The following MCTP2 variants were observed in gnomAD, a reference collection of about 807,000 sequenced individuals.
The protein encoded by MCTP2 is multiple C2 and transmembrane domain-containing protein 2.
Under a neutral mutation model 111.6 loss-of-function variants are expected in MCTP2, and 132 were observed. The observed-to-expected ratio is 1.18, with a 90% CI of 1.03 to 1.37. The LOEUF is 1.37. MCTP2 is among the 40% of genes most tolerant of loss of function. The pLI is 0.00. For missense variants in MCTP2, 1,183 were observed against 1,067.9 expected (o/e 1.11, Z -1.50); for synonymous variants, 395 against 387.7 (o/e 1.02, Z -0.22).
intron 1 of MCTP2, among the ~76,000 whole-genome samples, chr15:94,243,052 TCTACAC>T (rs2071149010): frequency 2.2e-5 from 2 of 89,468 alleles, no homozygotes; most frequent in Non-Finnish European, 2.5e-5. Flanking sequence ...TATATGTGTA[TCTACAC>T]ATACACGTGT....
intron 19 of MCTP2, among the ~76,000 whole-genome samples, chr15:94,445,061 G>A (rs145519593): frequency 3.3e-5 from 5 of 152,342 alleles, no homozygotes; most frequent in African/African-American, 1.2e-4. Context: ...GCTACCTGAA[G>A]GTCTGGAGAG....
intron 4 of MCTP2, among the ~76,000 whole-genome samples, chr15:94,328,328 C>T (rs1382738288): frequency 6.6e-6 from 1 of 152,008 alleles, no homozygotes; most frequent in African/African-American, 2.4e-5. Context: ...CGGGGTTTCA[C>T]TGTGTTAGCC....
chr15:94,414,752 A>G (rs2082300914), intron 17 of MCTP2, among the ~76,000 whole-genome samples: 1 of 152,174 alleles, frequency 6.6e-6, no homozygotes, highest in Non-Finnish European at 1.5e-5. Flanking sequence ...AGTTCATTTT[A>G]CAAACAAAAA....
chr15:94,364,182 T>C (rs1449875330), intron 10 of MCTP2, among the ~76,000 whole-genome samples: 1 of 148,404 alleles, frequency 6.7e-6, no homozygotes, highest in Admixed American at 6.7e-5. Flanking sequence ...TTTTTGTAAA[T>C]AAAGGTTTTT....
At chr15:94,325,400 C>T (rs965381947) in intron 4 of MCTP2, among the ~76,000 whole-genome samples, 5 of 152,162 alleles carry the variant, frequency 3.3e-5, no homozygotes, top group East Asian at 1.9e-4. Flanking sequence ...TTTTGCATTT[C>T]GCCTGTGGGA....
At chr15:94,325,888 C>T (rs996924857) in intron 4 of MCTP2, among the ~76,000 whole-genome samples, 2 of 144,438 alleles carry the variant, frequency 1.4e-5, no homozygotes, top group Non-Finnish European at 3.0e-5. Flanking sequence ...GGCGCGATCT[C>T]GGCTCACTGC....
At chr15:94,370,854 C>G (rs1185266583) in intron 12 of MCTP2, among the ~76,000 whole-genome samples, 1 of 152,176 alleles carries the variant, frequency 6.6e-6, no homozygotes, top group Non-Finnish European at 1.5e-5. Context: ...ATGACAGATG[C>G]TATTTACCAA....
chr15:94,400,000 G>T lies in MCTP2; in HGVS notation c.1965+5G>T, dbSNP rs1239461376. On this transcript the variant is annotated splice_donor_5th_base_variant and intron_variant, in intron 16 of 22. Transcript: ENST00000357742. ...AGCCGCAAGCTGTCCAAAAAGGTGGGTCGCTACAGTAGGTGGCTTGTTGAT... is the reference window on the plus strand; with the variant it reads ...AGCCGCAAGCTGTCCAAAAAGGTGGTTCGCTACAGTAGGTGGCTTGTTGAT... 1 of 1,613,852 alleles carries T rather than the reference G, an allele frequency of 6.2e-7. No individual in the cohort carries two copies. The highest frequency in any genetic ancestry group is 2.2e-5 in the East Asian group (1 of 44,880).
In MCTP2 at chr15:94,367,729, T is replaced by C. The variant is rs1284779287; in HGVS notation, c.1426T>C (p.Ser476Pro). ...TLTPCAGVSV[S>P]DLCVCPLADL... ...TACACCCTGTGCGGGGGTCTCCGTCTCTGATCTGTGTGTCTGCCCCTTAGC... is the reference window on the plus strand; with the variant it reads ...TACACCCTGTGCGGGGGTCTCCGTCCCTGATCTGTGTGTCTGCCCCTTAGC... The change falls in exon 11 of 23, where the codon TCT becomes CCT. Residue 476 changes from serine (S) to proline (P), a missense_variant. Coordinates refer to ENST00000357742, the MANE Select transcript of MCTP2 (RefSeq NM_001385001.1). 1 of 1,609,210 alleles carries C rather than the reference T, an allele frequency of 6.2e-7. No individual in the cohort carries two copies. The highest frequency in any genetic ancestry group is 2.3e-5 in the East Asian group (1 of 44,378).
At chr15:94,408,335 A>G (rs1226667295) in intron 17 of MCTP2, among the ~76,000 whole-genome samples, 1 of 152,248 alleles carries the variant, frequency 6.6e-6, no homozygotes, top group Non-Finnish European at 1.5e-5. Flanking sequence ...AAAAGTGTGT[A>G]TATATAAGTG....
chr15:94,239,336 A>G (rs2152217576), intron 1 of MCTP2, among the ~76,000 whole-genome samples: 1 of 152,346 alleles, frequency 6.6e-6, no homozygotes, highest in East Asian at 1.9e-4. Flanking sequence ...TTCCACCTCC[A>G]GTTGCCCCTT....
chr15:94,367,543 A>G (rs2079255872), intron 10 of MCTP2, 62 bp from the exon 11 acceptor site: 1 of 1,289,314 alleles, frequency 7.8e-7, no homozygotes. Flanking sequence ...GGTGCTTTGG[A>G]GGTACTGCAG....
intron 21 of MCTP2, among the ~76,000 whole-genome samples, chr15:94,470,887 C>G (rs972984891): frequency 2.6e-5 from 4 of 152,088 alleles, no homozygotes; most frequent in Admixed American, 1.3e-4. Context: ...TTCACCTAAC[C>G]CCATTCTTAA....
intron 1 of MCTP2, among the ~76,000 whole-genome samples, chr15:94,286,035 A>ATGTGTAATTT (rs1237305741): frequency 6.6e-6 from 1 of 152,188 alleles, no homozygotes; most frequent in Non-Finnish European, 1.5e-5. Context: ...ATTTAGTAAA[A>ATGTGTAATTT]AGTTGAAATG....
chr15:94,307,602 C>T (rs762839988), intron 2 of MCTP2, among the ~76,000 whole-genome samples: 25 of 152,224 alleles, frequency 1.6e-4, no homozygotes, highest in Admixed American at 3.3e-4. Context: ...ACTGAATGAG[C>T]GGGATGCACA....
At chr15:94,250,775 A>G (rs934407320) in intron 1 of MCTP2, among the ~76,000 whole-genome samples, 1 of 152,194 alleles carries the variant, frequency 6.6e-6, no homozygotes, top group Non-Finnish European at 1.5e-5. Context: ...AGTGTGATGG[A>G]GCTAGGAAAA....
At chr15:94,351,254 C>T (rs2078287536) in intron 8 of MCTP2, among the ~76,000 whole-genome samples, 1 of 152,128 alleles carries the variant, frequency 6.6e-6, no homozygotes, top group South Asian at 2.1e-4. Context: ...CCAGTATCCT[C>T]TTCAGATGAT....
chr15:94,433,724 T>A (rs1460916992), intron 17 of MCTP2, among the ~76,000 whole-genome samples: 1 of 152,236 alleles, frequency 6.6e-6, no homozygotes, highest in African/African-American at 2.4e-5. Flanking sequence ...CAAGGATGTG[T>A]GAGAGCTGCA....
At chr15:94,422,995 C>A (rs947249514) in intron 17 of MCTP2, among the ~76,000 whole-genome samples, 1 of 152,196 alleles carries the variant, frequency 6.6e-6, no homozygotes, top group African/African-American at 2.4e-5. Flanking sequence ...GACACCTAGG[C>A]TAAGCTGTTA....
Sources: allele counts gnomAD v4.1 joint callset (sites outside exome capture counted in the v4.1 genomes callset), GRCh38; gene constraint gnomAD v4.1.1; transcripts MANE v1.5; gene names NCBI Gene and HGNC (gene_info 2026-07-23, HGNC 2026-07-21).